Variants in AP2B1 observed in about 807,000 individuals in gnomAD.
AP2B1 encodes the protein adaptor related protein complex 2 subunit beta 1.
In AP2B1, 23 loss-of-function variants were observed where a neutral mutation model predicts 102.0. The ratio of observed to expected loss-of-function variants is 0.23; its 90% CI spans 0.16 to 0.32. AP2B1 has a LOEUF of 0.32. AP2B1 is among the 10% of genes least tolerant of loss of function. The pLI is 1.00. For synonymous variants in AP2B1, 381 were observed against 421.2 expected, an observed-to-expected ratio of 0.90 and a Z score of 1.17; for missense variants, 541 against 1,157.4, an observed-to-expected ratio of 0.47 and a Z score of 7.73.
chr17:35,693,583 G>A (rs2076082261), intron 18 of AP2B1, among the ~76,000 whole-genome samples: 1 of 152,088 alleles, frequency 6.6e-6, no homozygotes, highest in African/African-American at 2.4e-5. Context: ...TTTAGAAGGA[G>A]GGACCCTGGT....
intron 18 of AP2B1, among the ~76,000 whole-genome samples, chr17:35,692,939 A>G (rs1178328768): frequency 6.9e-6 from 1 of 145,008 alleles, no homozygotes; most frequent in African/African-American, 2.6e-5. Flanking sequence ...TAAATGACCC[A>G]TTCTGTCTTC....
At chr17:35,633,985 A>G (rs536166996) in intron 9 of AP2B1, among the ~76,000 whole-genome samples, 2 of 152,284 alleles carry the variant, frequency 1.3e-5, no homozygotes, top group South Asian at 4.1e-4. Flanking sequence ...CGTCTCTACT[A>G]AAAATAAAAA....
At chr17:35,655,776 A>G (rs2075204977) in intron 13 of AP2B1, among the ~76,000 whole-genome samples, 1 of 152,240 alleles carries the variant, frequency 6.6e-6, no homozygotes, top group Admixed American at 6.5e-5. Flanking sequence ...AGTTCCATAC[A>G]TCTATCTACA....
At chr17:35,605,561 T>G (rs1481955052) in intron 3 of AP2B1, 144 bp from the exon 4 acceptor site, 2 of 682,766 alleles carry the variant, frequency 2.9e-6, no homozygotes, top group Non-Finnish European at 5.0e-6. Flanking sequence ...GTTTCTTTAG[T>G]AATTCATTTC....
At chr17:35,707,593 C>T (rs2076370363) in intron 18 of AP2B1, among the ~76,000 whole-genome samples, 1 of 152,002 alleles carries the variant, frequency 6.6e-6, no homozygotes, top group Non-Finnish European at 1.5e-5. Context: ...GCTGGGACTA[C>T]AGCCACGCGC....
At chr17:35,605,385 A>G (rs922700479) in intron 3 of AP2B1, among the ~76,000 whole-genome samples, 3 of 151,786 alleles carry the variant, frequency 2.0e-5, no homozygotes, top group African/African-American at 7.3e-5. Context: ...AGTAGCTGGG[A>G]TTACAGACAT....
intron 17 of AP2B1, among the ~76,000 whole-genome samples, chr17:35,680,056 C>G (rs781456343): frequency 7.2e-5 from 11 of 151,798 alleles, no homozygotes; most frequent in Non-Finnish European, 1.6e-4. Context: ...ACGCCCACGA[C>G]CACGCCCGAC....
At position 35,605,997 on chromosome 17, in the gene AP2B1, C is replaced by T. The variant is rs141749652; in HGVS notation, c.279+157C>T. On this transcript the variant is annotated intron_variant, in intron 4 of 21. Transcript: ENST00000610402. ...GTGTGTCATCCAGGGAAATTCAAACCATGTGCTGAGCTTTCTGTTAGTGGG... is the reference window on the plus strand; with the variant it reads ...GTGTGTCATCCAGGGAAATTCAAACTATGTGCTGAGCTTTCTGTTAGTGGG... Among the ~76,000 whole-genome samples, 15 of 152,294 alleles carry T rather than the reference C, an allele frequency of 9.8e-5. No homozygotes were observed. In the East Asian group the frequency reaches 1.7e-3, roughly 18 times the overall value.
chr17:35,642,065 A>G, intron 12 of AP2B1, 90 bp downstream of exon 12: 1 of 956,300 alleles, frequency 1.0e-6, no homozygotes, highest in South Asian at 1.6e-5. Flanking sequence ...TCATTTGGGG[A>G]AGCTTTATTT....
intron 5 of AP2B1, among the ~76,000 whole-genome samples, chr17:35,608,876 G>A (rs925706198): frequency 2.6e-5 from 4 of 152,278 alleles, no homozygotes; most frequent in South Asian, 2.1e-4. Flanking sequence ...CCAGAACATA[G>A]CTTAACACCT....
At chr17:35,712,880 A>G (rs1350607836) in intron 20 of AP2B1, among the ~76,000 whole-genome samples, 1 of 152,246 alleles carries the variant, frequency 6.6e-6, no homozygotes, top group Non-Finnish European at 1.5e-5. Context: ...TTCCTTGAAC[A>G]TGATCTGGAA....
At chr17:35,719,254 T>C (rs1555591634) in intron 21 of AP2B1, among the ~76,000 whole-genome samples, 1 of 152,118 alleles carries the variant, frequency 6.6e-6, no homozygotes, top group East Asian at 1.9e-4. Context: ...TTTACATTAC[T>C]TTTGGGGGTG....
At chr17:35,648,361 C>T (rs766414297) in intron 12 of AP2B1, among the ~76,000 whole-genome samples, 58 of 152,064 alleles carry the variant, frequency 3.8e-4, no homozygotes, top group Admixed American at 5.2e-4. Context: ...ACTAAAAATA[C>T]AAAAATTAGC....
chr17:35,627,269 T>TTTC (rs35058474), intron 7 of AP2B1, 116 bp from the exon 8 acceptor site: 1 of 404,406 alleles, frequency 2.5e-6, no homozygotes, highest in Non-Finnish European at 4.0e-6. Context: ...TTTTTTTTTT[T>TTTC]GCCTGAGTGG....
rs530061918 is a variant in AP2B1, at chr17:35,602,459, G to C, written c.144-3246G>C. ...GCCTTTCCTGCAAGTAACCTCAAGT[G>C]CAGCACTGGCCAGTGGAAATACAGT... On this transcript the variant is annotated intron_variant, in intron 3 of 21. Transcript: ENST00000610402. 2.6e-5 allele frequency among the ~76,000 whole-genome samples: 4 copies of C among 152,258 alleles called. No individual in the cohort carries two copies. In the East Asian group the frequency reaches 7.7e-4, roughly 29 times the overall value.
At chr17:35,614,329 C>T (rs1481353030) in intron 5 of AP2B1, among the ~76,000 whole-genome samples, 1 of 152,156 alleles carries the variant, frequency 6.6e-6, no homozygotes, top group Non-Finnish European at 1.5e-5. Flanking sequence ...GAACTACAGG[C>T]ATATGCTACC....
chr17:35,674,046 A>T, intron 16 of AP2B1, 130 bp from the exon 17 acceptor site: 1 of 863,534 alleles, frequency 1.2e-6, no homozygotes, highest in Non-Finnish European at 1.7e-6. Context: ...TATAAAAATT[A>T]CTATAATTGC....
intron 1 of AP2B1, among the ~76,000 whole-genome samples, chr17:35,593,781 T>G (rs1392769139): frequency 6.6e-6 from 1 of 152,212 alleles, no homozygotes; most frequent in East Asian, 1.9e-4. Flanking sequence ...GGTTCATACT[T>G]TTACCCAGTT....
In AP2B1 at chr17:35,670,881, A is replaced by G. The variant is rs572610027; in HGVS notation, c.2014A>G (p.Ile672Val). The G allele has an allele frequency of 1.9e-6, 3 of 1,613,912 alleles. No homozygotes were observed. The highest frequency in any genetic ancestry group is 2.2e-5 in the East Asian group (1 of 44,864). ...SLLGSDLGGGIGGSPAVGQSF... is the reference protein window; with the variant it reads ...SLLGSDLGGGVGGSPAVGQSF... ...GCTTGGCAGTGACCTTGGCGGGGGC[A>G]TTGGAGGAAGTCCGGCAGTAAGTGC... The change falls in exon 15 of 22, where the codon ATT (isoleucine) becomes GTT (valine). Residue 672 changes from isoleucine (I) to valine (V), a missense_variant. Physicochemically the swap from Ile to Val is conservative, Grantham distance 29. Transcript: ENST00000610402.
Sources: gnomAD v4.1 joint callset for allele counts (sites outside exome capture counted in the v4.1 genomes callset) on GRCh38, gnomAD v4.1.1 for gene constraint, MANE v1.5 for transcripts, NCBI Gene and HGNC (gene_info 2026-07-23, HGNC 2026-07-21) for gene names.